Variants in CCDC14 observed in about 807,000 individuals in gnomAD.
The protein encoded by CCDC14 is coiled-coil domain-containing protein 14.
CCDC14 carries 71 observed loss-of-function variants against 81.4 expected under a neutral mutation model. The ratio of observed to expected loss-of-function variants is 0.87; its 90% CI spans 0.72 to 1.06. The LOEUF (loss-of-function observed/expected upper bound fraction) is 1.06, where lower values mean the gene tolerates loss of function less well. Ranked by LOEUF, CCDC14 falls within the 50% of genes least tolerant of loss-of-function variation. The pLI, the probability that CCDC14 is intolerant of heterozygous loss-of-function variation, is 0.00. For missense variants in CCDC14, 1,046 were observed against 1,047.3 expected (o/e 1.00, Z 0.02); for synonymous variants, 332 against 364.8 (o/e 0.91, Z 1.03).
chr3:123,906,483 GGAGA>G (rs777438537), intron 5 of CCDC14, among the ~76,000 whole-genome samples: 57 of 150,194 alleles, frequency 3.8e-4, no homozygotes, highest in Non-Finnish European at 6.6e-4. Context: ...AGAAATCATA[GGAGA>G]GAGAAAAAGA....
chr3:123,901,326 A>G (rs1369620954), intron 5 of CCDC14, among the ~76,000 whole-genome samples: 1 of 152,208 alleles, frequency 6.6e-6, no homozygotes. Context: ...ATTCAATTCA[A>G]TATAGCATTA....
chr3:123,942,707 G>A (rs2036411823), intron 9 of CCDC14, among the ~76,000 whole-genome samples: 1 of 152,182 alleles, frequency 6.6e-6, no homozygotes, highest in East Asian at 1.9e-4. Flanking sequence ...CAGTGCTGCA[G>A]AAGCACCTGA....
chr3:123,908,692 T>C (rs1416358208), downstream of CCDC14, among the ~76,000 whole-genome samples: 1 of 152,182 alleles, frequency 6.6e-6, no homozygotes, highest in East Asian at 1.9e-4. Context: ...TTGTCATCCA[T>C]TATTTTTAAA....
chr3:123,920,269 T>A (rs2034965950), intron 12 of CCDC14, among the ~76,000 whole-genome samples: 1 of 152,098 alleles, frequency 6.6e-6, no homozygotes, highest in Admixed American at 6.5e-5. Context: ...TATTATGAGA[T>A]ACCATCTGAG....
intron 7 of CCDC14, among the ~76,000 whole-genome samples, 156 bp from the exon 8 acceptor site, chr3:123,947,475 A>G (rs575634733): frequency 6.6e-6 from 1 of 152,282 alleles, no homozygotes; most frequent in South Asian, 2.1e-4. Context: ...CTATATTTTG[A>G]GGATATACTA....
At chr3:123,944,303 C>T (rs1410270001) in intron 9 of CCDC14, among the ~76,000 whole-genome samples, 1 of 152,104 alleles carries the variant, frequency 6.6e-6, no homozygotes, top group African/African-American at 2.4e-5. Context: ...GGCCATGTGC[C>T]TTGTTTCAGC....
chr3:123,916,976 G>C (rs1247492213), intron 12 of CCDC14, among the ~76,000 whole-genome samples: 1 of 151,712 alleles, frequency 6.6e-6, no homozygotes, highest in East Asian at 2.0e-4. Context: ...TGAGTAGCTG[G>C]GACTACAGGT....
intron 5 of CCDC14, chr3:123,952,480 A>T (rs1031791994): frequency 2.7e-6 from 1 of 365,826 alleles, no homozygotes; most frequent in African/African-American, 2.1e-5. Context: ...AAAGTTGCTT[A>T]TTTAAAAAAT....
the CCDC14 span, among the ~76,000 whole-genome samples, chr3:123,888,066 C>CA: frequency 8.0e-4 from 118 of 148,386 alleles, 2 homozygotes; most frequent in East Asian, 9.2e-3. Flanking sequence ...TGTTTAATTC[C>CA]AAAAAAAAAT....
chr3:123,944,809 C>T (rs774386321), intron 9 of CCDC14, 40 bp downstream of exon 9: 2 of 1,570,746 alleles, frequency 1.3e-6, no homozygotes, highest in African/African-American at 2.7e-5. Flanking sequence ...CAGGAGACAT[C>T]TTTGCATACA....
chr3:123,922,500 T>G (rs2035111893), intron 12 of CCDC14, among the ~76,000 whole-genome samples: 1 of 151,938 alleles, frequency 6.6e-6, no homozygotes, highest in Non-Finnish European at 1.5e-5. Flanking sequence ...GAGAGAAGAC[T>G]TAAATGAATC....
chr3:123,955,989 T>C, intron 4 of CCDC14, 24 bp from the exon 5 acceptor site: 1 of 1,526,270 alleles, frequency 6.6e-7, no homozygotes, highest in Non-Finnish European at 8.8e-7. Flanking sequence ...AAAAATTTGT[T>C]ACATCAAAAT....
At chr3:123,920,646 A>T (rs2034990599) in intron 12 of CCDC14, among the ~76,000 whole-genome samples, 1 of 152,226 alleles carries the variant, frequency 6.6e-6, no homozygotes, top group Admixed American at 6.5e-5. Context: ...GACAAATGCT[A>T]AGGGAGTTCA....
intron 5 of CCDC14, among the ~76,000 whole-genome samples, chr3:123,907,963 C>A (rs983793513): frequency 7.2e-5 from 11 of 151,758 alleles, no homozygotes; most frequent in Non-Finnish European, 1.3e-4. Flanking sequence ...GGAAAAGGGG[C>A]CACTTTACAT....
the CCDC14 span, among the ~76,000 whole-genome samples, chr3:123,891,135 C>G: frequency 6.6e-6 from 1 of 151,574 alleles, no homozygotes; most frequent in African/African-American, 2.4e-5. Context: ...ACCTAATCCC[C>G]AGGCTGCACA....
intron 12 of CCDC14, among the ~76,000 whole-genome samples, chr3:123,918,608 CAG>C (rs1258353740): frequency 3.3e-5 from 5 of 152,136 alleles, no homozygotes; most frequent in African/African-American, 1.2e-4. Context: ...AAGTACCACA[CAG>C]AGAGGAGTCC....
chr3:123,920,870 T>C (rs535160720), intron 12 of CCDC14, among the ~76,000 whole-genome samples: 72 of 152,266 alleles, frequency 4.7e-4, no homozygotes, highest in African/African-American at 1.7e-3. Flanking sequence ...AAAACAACTA[T>C]AGTTACAGGA....
At chr3:123,890,092 T>C in the CCDC14 span, among the ~76,000 whole-genome samples, 1 of 152,146 alleles carries the variant, frequency 6.6e-6, no homozygotes, top group African/African-American at 2.4e-5. Flanking sequence ...GAAACTCCCA[T>C]TTTTAAAACC....
At chr3:123,927,308 T>C (rs1202003520) in intron 12 of CCDC14, among the ~76,000 whole-genome samples, 1 of 151,682 alleles carries the variant, frequency 6.6e-6, no homozygotes, top group Non-Finnish European at 1.5e-5. Flanking sequence ...TCCCAGCTAC[T>C]TGGGAGCCTG....
Sources: allele counts gnomAD v4.1 joint callset (sites outside exome capture counted in the v4.1 genomes callset), GRCh38; gene constraint gnomAD v4.1.1; transcripts MANE v1.5; gene names NCBI Gene and HGNC (gene_info 2026-07-23, HGNC 2026-07-21).